PARD3B: variants seen among roughly 807,000 people sequenced by gnomAD.
PARD3B encodes the protein par-3 family cell polarity regulator beta.
In PARD3B, 103 loss-of-function variants were observed where a neutral mutation model predicts 130.2. The observed-to-expected ratio is 0.79, with a 90% CI of 0.67 to 0.93. The LOEUF is 0.93. Among genes scored for constraint, PARD3B ranks in the 40% least tolerant of loss-of-function variants. The pLI, the probability that PARD3B is intolerant of heterozygous loss-of-function variation, is 0.00. For synonymous variants in PARD3B, 583 were observed against 553.2 expected (o/e 1.05, Z -0.76); for missense variants, 1,609 against 1,499.2 (o/e 1.07, Z -1.21).
At chr2:205,427,899 G>A (rs1312693272) in intron 19 of PARD3B, among the ~76,000 whole-genome samples, 2 of 152,152 alleles carry the variant, frequency 1.3e-5, no homozygotes, top group Non-Finnish European at 2.9e-5. Flanking sequence ...ATAGAGCAAT[G>A]AAGACATCTT....
chr2:205,340,852 A>G (rs2043498806), intron 18 of PARD3B, among the ~76,000 whole-genome samples: 1 of 152,146 alleles, frequency 6.6e-6, no homozygotes, highest in African/African-American at 2.4e-5. Flanking sequence ...TTCATCCAAC[A>G]AGAAACTAAT....
In PARD3B at chr2:205,611,875, C is replaced by T. The variant is rs374655595; in HGVS notation, c.3261-3581C>T. ...ATGAAAAATGAAAGGTCTTAAAATACTGATACATTTGTTATGCGGATTCTT... is the reference window on the plus strand; with the variant it reads ...ATGAAAAATGAAAGGTCTTAAAATATTGATACATTTGTTATGCGGATTCTT... On this transcript the variant is annotated intron_variant, in intron 22 of 22. Transcript: ENST00000406610. Among the ~76,000 whole-genome samples the T allele has an allele frequency of 1.1e-4, 16 of 152,158 alleles. No homozygotes were observed. In the East Asian group the frequency reaches 2.9e-3, roughly 28 times the overall value.
rs544413970 is a variant in PARD3B at position 204,585,283 on chromosome 2, G to C, written c.120+39164G>C. 4.3e-4 allele frequency among the ~76,000 whole-genome samples: 66 copies of C among 152,222 alleles called. No homozygotes were observed. The South Asian group carries it at 6.2e-3, about 14-fold the overall frequency. On this transcript the variant is annotated intron_variant, in intron 1 of 22. Coordinates refer to ENST00000406610, the MANE Select transcript of PARD3B (RefSeq NM_001302769.2). ...AGCCCTGTGGTCTTTCTAATGTACTGAGGTCTTGTGATTAGAGCAGAACTC... is the reference window on the plus strand; with the variant it reads ...AGCCCTGTGGTCTTTCTAATGTACTCAGGTCTTGTGATTAGAGCAGAACTC...
chr2:204,764,060 G>A (rs1362734550), intron 2 of PARD3B, among the ~76,000 whole-genome samples: 1 of 152,168 alleles, frequency 6.6e-6, no homozygotes, highest in Non-Finnish European at 1.5e-5. Context: ...ATTAAGGAGT[G>A]TGGACACTAA....
At chr2:204,569,600 T>C (rs997690504) in intron 1 of PARD3B, among the ~76,000 whole-genome samples, 1 of 152,198 alleles carries the variant, frequency 6.6e-6, no homozygotes, top group South Asian at 2.1e-4. Flanking sequence ...GGCCATTTTG[T>C]TTAGGTAGAT....
rs192140629 is a variant in PARD3B, at chr2:205,328,706, G to A, written c.2630+27005G>A. On this transcript the variant is annotated intron_variant, in intron 18 of 22. Coordinates refer to ENST00000406610, the MANE Select transcript of PARD3B (RefSeq NM_001302769.2). Reference sequence around the variant, plus strand: ...AAAAATTAAAAATAATAATACATATGGGATCACCACAGAGCTAGTGTTTTT... The same window carrying A: ...AAAAATTAAAAATAATAATACATATAGGATCACCACAGAGCTAGTGTTTTT... Among the ~76,000 whole-genome samples, 9 of 152,142 alleles carry A rather than the reference G, an allele frequency of 5.9e-5. No individual in the cohort carries two copies. The East Asian group carries it at 1.5e-3, about 26-fold the overall frequency.
At chr2:204,638,235 G>C (rs943292249) in intron 1 of PARD3B, among the ~76,000 whole-genome samples, 2 of 152,114 alleles carry the variant, frequency 1.3e-5, no homozygotes, top group African/African-American at 4.8e-5. Flanking sequence ...AACCTACTGA[G>C]TATTAGCCAC....
At chr2:205,548,855 C>CG (rs2052492935) in intron 21 of PARD3B, among the ~76,000 whole-genome samples, 1 of 151,952 alleles carries the variant, frequency 6.6e-6, no homozygotes, top group African/African-American at 2.4e-5. Flanking sequence ...GGGAGAAAAA[C>CG]GTTTGCAAAA....
intron 1 of PARD3B, among the ~76,000 whole-genome samples, chr2:204,667,088 G>A (rs780095281): frequency 2.6e-5 from 4 of 152,148 alleles, no homozygotes; most frequent in Non-Finnish European, 4.4e-5. Context: ...ATGCTGAGTA[G>A]GCCATGGTAA....
chr2:205,534,207 T>A (rs978919600), intron 21 of PARD3B, among the ~76,000 whole-genome samples: 1 of 152,298 alleles, frequency 6.6e-6, no homozygotes, highest in South Asian at 2.1e-4. Flanking sequence ...CCTGTTCTCA[T>A]AGAGTTTATG....
chr2:204,904,677 T>A (rs961545986), intron 2 of PARD3B, among the ~76,000 whole-genome samples: 5 of 152,212 alleles, frequency 3.3e-5, no homozygotes, highest in South Asian at 2.1e-4. Flanking sequence ...TTCAATGCTT[T>A]TTTTTTTAGA....
At chr2:204,868,880 A>G (rs1266729450) in intron 2 of PARD3B, among the ~76,000 whole-genome samples, 1 of 152,180 alleles carries the variant, frequency 6.6e-6, no homozygotes, top group African/African-American at 2.4e-5. Flanking sequence ...AATTAGGTAG[A>G]AAGAGCATGC....
intron 21 of PARD3B, among the ~76,000 whole-genome samples, chr2:205,533,028 T>A (rs1473659344): frequency 2.6e-5 from 4 of 152,192 alleles, no homozygotes; most frequent in Non-Finnish European, 5.9e-5. Flanking sequence ...AATGGAGCTT[T>A]ATTAAAAACC....
At chr2:205,221,218 C>G (rs2038221415) in intron 15 of PARD3B, among the ~76,000 whole-genome samples, 2 of 152,150 alleles carry the variant, frequency 1.3e-5, no homozygotes, top group South Asian at 2.1e-4. Flanking sequence ...TTTGCTAGCA[C>G]TTACTCCACT....
At chr2:204,573,939 T>C (rs1022306403) in intron 1 of PARD3B, among the ~76,000 whole-genome samples, 1 of 152,202 alleles carries the variant, frequency 6.6e-6, no homozygotes, top group Non-Finnish European at 1.5e-5. Context: ...CTCTACTGTC[T>C]TATAGCGTCT....
chr2:205,610,679 A>G (rs527783172), intron 22 of PARD3B, among the ~76,000 whole-genome samples: 1 of 152,184 alleles, frequency 6.6e-6, no homozygotes, highest in Admixed American at 6.5e-5. Flanking sequence ...TGTTCTTGGC[A>G]AACAAGACAA....
intron 16 of PARD3B, among the ~76,000 whole-genome samples, chr2:205,283,983 T>G (rs2041290580): frequency 6.6e-6 from 1 of 152,168 alleles, no homozygotes; most frequent in South Asian, 2.1e-4. Flanking sequence ...TAGAAAAACT[T>G]TCTGTAAGGT....
rs1322320699 is a variant in PARD3B, at chr2:205,269,387, T to A, written c.2185+23565T>A. ...TTATTCATCCTTTTTACTAGTGACA[T>A]CATTCATTCATGATAAAGGAAACAA... On this transcript the variant is annotated intron_variant, in intron 16 of 22. Transcript: ENST00000406610. This position sits in a 1 kb window ranked among gnomAD's most constrained non-coding sequence, Gnocchi z 4.7. Among the ~76,000 whole-genome samples, 2 of 152,186 alleles carry A rather than the reference T, an allele frequency of 1.3e-5. No homozygotes were observed. The highest frequency in any genetic ancestry group is 2.9e-5 in the Non-Finnish European group (2 of 68,022).
chr2:205,017,496 C>T (rs1367123524), intron 3 of PARD3B, among the ~76,000 whole-genome samples: 1 of 152,014 alleles, frequency 6.6e-6, no homozygotes, highest in Non-Finnish European at 1.5e-5. Context: ...GTAACCATTC[C>T]CTGACCTCAA....
Sources: allele counts gnomAD v4.1 joint callset (sites outside exome capture counted in the v4.1 genomes callset), GRCh38; gene constraint gnomAD v4.1.1; non-coding constraint Gnocchi (gnomAD v3.1); transcripts MANE v1.5; gene names NCBI Gene and HGNC (gene_info 2026-07-23, HGNC 2026-07-21).